TP63: variants seen among roughly 807,000 people sequenced by gnomAD.
TP63 encodes tumor protein p63, also known as tumor protein 63.
Under a neutral mutation model 82.8 loss-of-function variants are expected in TP63, and 17 were observed. The observed-to-expected ratio is 0.21, with a 90% CI of 0.14 to 0.31. The LOEUF is 0.31. Among genes scored for constraint, TP63 ranks in the 10% least tolerant of loss-of-function variants. The probability of loss-of-function intolerance (pLI) is 1.00; values close to 1 mark genes in which losing one functional copy is unlikely to be tolerated. For missense variants in TP63, 648 were observed against 895.3 expected (o/e 0.72, Z 3.52); for synonymous variants, 330 against 321.7 (o/e 1.03, Z -0.28).
rs1721450617 is a variant in TP63, at chr3:189,896,105, T to C, written c.*1603T>C. 4.5e-6 allele frequency: 1 copy of C among 222,560 alleles called. No homozygotes were observed. Among genetic ancestry groups the C allele is most frequent in the Non-Finnish European group, 9.0e-6 (1 of 111,154 alleles). 13.8% of individuals were successfully genotyped at this position (222,560 alleles called of 1,614,324 possible). ...CAGAAATATAACACATTTTTTTGCA[T>C]GCATGCAAATGAGCTCTGAAATCTT... On this transcript the variant is annotated 3_prime_UTR_variant, in exon 14 of 14. Transcript: ENST00000264731.
Position 189,822,356 on chromosome 3 carries a change from C to T in TP63, c.579+13830C>T, listed in dbSNP as rs542679330. Among the ~76,000 whole-genome samples, 6 of 152,286 alleles carry T rather than the reference C, an allele frequency of 3.9e-5. No individual in the cohort carries two copies. The East Asian group carries it at 1.2e-3, about 29-fold the overall frequency. On this transcript the variant is annotated intron_variant, in intron 4 of 13. Transcript: ENST00000264731. ...GATGTATTAGGATAGTACTTTAAAACTTTTACCCCAATTAAGAGCAGAGGA... is the reference window on the plus strand; with the variant it reads ...GATGTATTAGGATAGTACTTTAAAATTTTTACCCCAATTAAGAGCAGAGGA...
In TP63 at chr3:189,723,182, A is replaced by G. The variant is rs531507926; in HGVS notation, c.63-14558A>G. Among the ~76,000 whole-genome samples, 209 of 152,302 alleles carry G rather than the reference A, an allele frequency of 1.4e-3. 1 individual carries two copies. The highest frequency in any genetic ancestry group is 8.8e-5 in the Non-Finnish European group (6 of 68,022). ...CAAGACCTTTTTTTCCTTCAGTGAT[A>G]TAGTTACTACTGGATTCTCCTTCTC... On this transcript the variant is annotated intron_variant, in intron 1 of 13. Coordinates refer to ENST00000264731, the MANE Select transcript of TP63 (RefSeq NM_003722.5).
intron 1 of TP63, among the ~76,000 whole-genome samples, chr3:189,727,440 C>G (rs544424574): frequency 6.6e-6 from 1 of 152,244 alleles, no homozygotes; most frequent in East Asian, 1.9e-4. Context: ...GAGTGAGCAG[C>G]CTTATGTGGT....
chr3:189,630,862 T>G (rs1729427106), upstream of TP63, among the ~76,000 whole-genome samples: 1 of 152,076 alleles, frequency 6.6e-6, no homozygotes, highest in Admixed American at 6.6e-5. Context: ...GTCTTTGCTA[T>G]TTGAGATTGT....
chr3:189,765,671 G>C (rs961007031), intron 3 of TP63, among the ~76,000 whole-genome samples: 4 of 151,578 alleles, frequency 2.6e-5, no homozygotes, highest in Non-Finnish European at 5.9e-5. Flanking sequence ...CTGACCTCAT[G>C]ATCCGCCCAC....
chr3:189,681,369 T>C (rs1017397745), intron 1 of TP63, among the ~76,000 whole-genome samples: 21 of 152,310 alleles, frequency 1.4e-4, no homozygotes, highest in African/African-American at 4.1e-4. Flanking sequence ...CATTTTAAAA[T>C]TTGTAATTAG....
intron 3 of TP63, among the ~76,000 whole-genome samples, chr3:189,796,482 A>G (rs528001784): frequency 7.6e-4 from 115 of 152,110 alleles, no homozygotes; most frequent in Admixed American, 1.7e-3. Flanking sequence ...AAGGGAGTGG[A>G]TAAGAGAACT....
chr3:189,873,110 T>TCTGAATCTATG, intron 10 of TP63, 115 bp downstream of exon 10: 1 of 1,525,276 alleles, frequency 6.6e-7, no homozygotes. Context: ...CAGATTGTCA[T>TCTGAATCTATG]AGATTCAGAT....
In TP63 at chr3:189,895,744, ACT is replaced by A. The variant is rs1721419805; in HGVS notation, c.*1245_*1246del. The A allele has an allele frequency of 8.7e-6, 2 of 228,596 alleles. No homozygotes were observed. The highest frequency in any genetic ancestry group is 1.7e-5 in the Non-Finnish European group (2 of 115,362). The allele number at this position is 228,596 out of a possible 1,614,324, so 14.2% of individuals were successfully genotyped here. ...TTTAAAGACCCTCCTATTCTATAAA[ACT>A]CTGCATGTAGAGGCTTGTTTACCTT... On this transcript the variant is annotated 3_prime_UTR_variant, in exon 14 of 14. Coordinates refer to ENST00000264731, the MANE Select transcript of TP63 (RefSeq NM_003722.5).
chr3:189,677,636 T>C (rs752127925), intron 1 of TP63, among the ~76,000 whole-genome samples: 2 of 151,894 alleles, frequency 1.3e-5, no homozygotes, highest in Non-Finnish European at 2.9e-5. Context: ...CTGGATTTAA[T>C]GGTAGTTCTA....
chr3:189,613,400 G>T, the TP63 span, among the ~76,000 whole-genome samples: 4 of 152,026 alleles, frequency 2.6e-5, no homozygotes, highest in Non-Finnish European at 4.4e-5. Flanking sequence ...GAGAAGTAAA[G>T]AATTGAGATT....
At position 189,894,634 on chromosome 3, in the gene TP63, T is replaced by C; in HGVS notation, c.*132T>C. 1 of 1,134,212 alleles carries C rather than the reference T, an allele frequency of 8.8e-7. No homozygotes were observed. The highest frequency in any genetic ancestry group is 1.3e-6 in the Non-Finnish European group (1 of 794,306). 70.3% of individuals were successfully genotyped at this position (1,134,212 alleles called of 1,614,324 possible). ...TCTGATTTCTTAGGGGAAGGAGAAG[T>C]AAGAGGCTACCTCTTACCTAACATC... is the stretch of plus-strand genomic sequence containing the variant. On this transcript the variant is annotated 3_prime_UTR_variant, in exon 14 of 14. Coordinates refer to ENST00000264731, the MANE Select transcript of TP63 (RefSeq NM_003722.5).
At chr3:189,645,152 C>T (rs1055361515) in intron 1 of TP63, among the ~76,000 whole-genome samples, 26 of 152,276 alleles carry the variant, frequency 1.7e-4, no homozygotes, top group African/African-American at 6.3e-4. Context: ...TTTTATTTGT[C>T]CTAAAATGCT....
intron 3 of TP63, among the ~76,000 whole-genome samples, chr3:189,789,088 T>C (rs1024476495): frequency 6.6e-6 from 1 of 152,034 alleles, no homozygotes; most frequent in Non-Finnish European, 1.5e-5. Flanking sequence ...GTAGCTTATT[T>C]TGTAATTGCT....
At chr3:189,641,734 C>A (rs1711896234) in intron 1 of TP63, among the ~76,000 whole-genome samples, 1 of 152,094 alleles carries the variant, frequency 6.6e-6, no homozygotes, top group Admixed American at 6.6e-5. Context: ...TATACAACCA[C>A]CTTTCTTTTG....
intron 5 of TP63, 123 bp downstream of exon 5, chr3:189,864,541 C>CT (rs10714778): frequency 0.046 from 9,848 of 214,536 alleles, 13 homozygotes; most frequent in Admixed American, 0.05. Context: ...ATCAGTCTGC[C>CT]TTTTTTTTTT....
At chr3:189,636,715 A>C (rs989104558) in intron 1 of TP63, among the ~76,000 whole-genome samples, 3 of 152,186 alleles carry the variant, frequency 2.0e-5, no homozygotes, top group African/African-American at 7.2e-5. Flanking sequence ...GATTAATACA[A>C]GGAAGTAAGA....
intron 3 of TP63, among the ~76,000 whole-genome samples, chr3:189,740,655 A>C (rs1720916649): frequency 6.6e-6 from 1 of 151,964 alleles, no homozygotes; most frequent in Admixed American, 6.6e-5. Flanking sequence ...ATGTGCCACC[A>C]CACCCGGCTG....
intron 4 of TP63, among the ~76,000 whole-genome samples, chr3:189,811,940 T>C (rs1727613413): frequency 6.6e-6 from 1 of 152,226 alleles, no homozygotes. Flanking sequence ...TTTTGTGCCT[T>C]ATTATACAAC....
Sources: allele counts gnomAD v4.1 joint callset (sites outside exome capture counted in the v4.1 genomes callset), GRCh38; gene constraint gnomAD v4.1.1; transcripts MANE v1.5; gene names NCBI Gene and HGNC (gene_info 2026-07-23, HGNC 2026-07-21).